MTMR9: variants seen among roughly 807,000 people sequenced by gnomAD.
The protein encoded by MTMR9 is myotubularin-related protein 9.
In MTMR9, 39 loss-of-function variants were observed where a neutral mutation model predicts 69.5. That is an observed-to-expected ratio of 0.56 (90% CI 0.43 to 0.73). The LOEUF is 0.73. MTMR9 is among the 30% of genes least tolerant of loss of function. The pLI is 0.00. For missense variants in MTMR9, 900 were observed against 671.2 expected, an observed-to-expected ratio of 1.34 and a Z score of -3.77; for synonymous variants, 354 against 240.8, an observed-to-expected ratio of 1.47 and a Z score of -4.35.
In MTMR9 at chr8:11,284,960, T is replaced by A; in HGVS notation, c.72T>A (p.Ala24=). ...NVVLHRPFYP[A]VEGTLCLTGH... ...TGCTGCACCGGCCTTTCTACCCGGCTGTCGAGGGCACCCTGTGCCTGACGG... is the reference window on the plus strand; with the variant it reads ...TGCTGCACCGGCCTTTCTACCCGGCAGTCGAGGGCACCCTGTGCCTGACGG... Residue 24 remains alanine, a synonymous_variant, in exon 1 of 10, where the codon GCT becomes GCA. Coordinates refer to ENST00000221086, the MANE Select transcript of MTMR9 (RefSeq NM_015458.4). 6.2e-7 allele frequency: 1 copy of A among 1,613,982 alleles called. No individual in the cohort carries two copies. The highest frequency in any genetic ancestry group is 1.1e-5 in the South Asian group (1 of 91,024).
chr8:11,298,263 C>G (rs1799625623), intron 2 of MTMR9, among the ~76,000 whole-genome samples: 1 of 152,102 alleles, frequency 6.6e-6, no homozygotes, highest in African/African-American at 2.4e-5. Context: ...TGCTGACTTG[C>G]ATTTAAAATA....
chr8:11,312,457 C>G (rs949655575), intron 6 of MTMR9, among the ~76,000 whole-genome samples: 16 of 152,198 alleles, frequency 1.1e-4, no homozygotes, highest in African/African-American at 3.9e-4. Context: ...AGCAATCCTC[C>G]TGCCTTGGGC....
intron 5 of MTMR9, among the ~76,000 whole-genome samples, chr8:11,308,072 T>C (rs527780425): frequency 6.6e-6 from 1 of 152,356 alleles, no homozygotes; most frequent in Non-Finnish European, 1.5e-5. Flanking sequence ...ATTTTTGCTT[T>C]TGTTGCCTCT....
At chr8:11,332,127 A>G (rs770540998), downstream of MTMR9, 29 of 1,611,898 alleles carry the variant, frequency 1.8e-5, no homozygotes, top group South Asian at 3.0e-4. Context: ...GGAGTGAGAT[A>G]GAACTTGGGA....
rs754401793 is a variant in MTMR9, at chr8:11,316,637, C to G, written c.1114-36C>G. On this transcript the variant is annotated intron_variant, in intron 7 of 9. Transcript: ENST00000221086. ...AGAATGCTCTGTCATGTGATCTCAC[C>G]AGGATATGACTGTCACGCCTCCATC... 3 of 1,436,160 alleles carry G rather than the reference C, an allele frequency of 2.1e-6. No homozygotes were observed. The South Asian group carries it at 4.1e-5, about 19-fold the overall frequency. The allele number at this position is 1,436,160 out of a possible 1,614,324, so 89.0% of individuals were successfully genotyped here.
At chr8:11,331,838 C>G, downstream of MTMR9, 1 of 1,611,922 alleles carries the variant, frequency 6.2e-7, no homozygotes, top group African/African-American at 1.3e-5. Context: ...TGCAGACCCC[C>G]GTGTTGCCCA....
chr8:11,310,937 G>A (rs1264036721), intron 6 of MTMR9, among the ~76,000 whole-genome samples: 1 of 152,166 alleles, frequency 6.6e-6, no homozygotes, highest in African/African-American at 2.4e-5. Flanking sequence ...CAAAGGCAGA[G>A]ACTTCCAGAC....
At chr8:11,302,750 G>C (rs1229898855) in intron 3 of MTMR9, among the ~76,000 whole-genome samples, 3 of 151,986 alleles carry the variant, frequency 2.0e-5, no homozygotes, top group Non-Finnish European at 4.4e-5. Flanking sequence ...TTGAAATGAA[G>C]GTAGCAAAAT....
chr8:11,297,829 G>A (rs1486326368), intron 2 of MTMR9: 4 of 455,354 alleles, frequency 8.8e-6, no homozygotes, highest in Non-Finnish European at 1.3e-5. Context: ...GAAAATGAAT[G>A]CTCTGTTAAA....
chr8:11,286,037 C>T (rs1376223187), intron 1 of MTMR9, among the ~76,000 whole-genome samples: 2 of 148,138 alleles, frequency 1.4e-5, no homozygotes, highest in East Asian at 2.0e-4. Flanking sequence ...ACTGTAACCT[C>T]CACCTCCCAG....
At chr8:11,330,142 G>A (rs13248147), downstream of MTMR9, among the ~76,000 whole-genome samples, 58,992 of 149,320 alleles carry the variant, frequency 0.4, 12,828 homozygotes, top group East Asian at 0.72. Flanking sequence ...GCCCCGTCCG[G>A]GAGGGAGGTC....
intron 3 of MTMR9, 69 bp from the exon 4 acceptor site, chr8:11,304,772 T>TA: frequency 2.0e-6 from 3 of 1,524,226 alleles, no homozygotes; most frequent in Non-Finnish European, 1.8e-6. Context: ...TAAGGTCTTT[T>TA]AAAATTTCTC....
chr8:11,286,354 C>G (rs996924090), intron 1 of MTMR9, among the ~76,000 whole-genome samples: 1 of 151,848 alleles, frequency 6.6e-6, no homozygotes, highest in African/African-American at 2.4e-5. Context: ...TCTCCTCAAG[C>G]CACCTTTTGC....
chr8:11,297,095 A>G (rs1192368998), intron 2 of MTMR9, among the ~76,000 whole-genome samples: 1 of 152,220 alleles, frequency 6.6e-6, no homozygotes, highest in Non-Finnish European at 1.5e-5. Context: ...AGACTACTAT[A>G]GGAACGTTGA....
Position 11,284,817 on chromosome 8 carries a change from C to A in MTMR9, c.-72C>A. 1 of 1,419,756 alleles carries A rather than the reference C, an allele frequency of 7.0e-7. No homozygotes were observed. Among genetic ancestry groups the A allele is most frequent in the Non-Finnish European group, 9.5e-7 (1 of 1,054,330 alleles). 87.9% of individuals were successfully genotyped at this position (1,419,756 alleles called of 1,614,324 possible). On this transcript the variant is annotated 5_prime_UTR_variant, in exon 1 of 10. Coordinates refer to ENST00000221086, the MANE Select transcript of MTMR9 (RefSeq NM_015458.4). ...GCCAGCCCCGCGCCGGGTGTTTCCGCTACTTCCCTGCGGCGGGGTAACCGC... is the reference window on the plus strand; with the variant it reads ...GCCAGCCCCGCGCCGGGTGTTTCCGATACTTCCCTGCGGCGGGGTAACCGC...
intron 3 of MTMR9, 72 bp downstream of exon 3, chr8:11,300,220 ACTT>A (rs1187707332): frequency 6.5e-7 from 1 of 1,537,994 alleles, no homozygotes; most frequent in African/African-American, 1.4e-5. Context: ...GAAAATGATC[ACTT>A]CTTTTGAAGA....
In MTMR9 at chr8:11,285,013, AGGAC is replaced by A; in HGVS notation, c.126_129del (p.Asp43IlefsTer20). 6.2e-7 allele frequency: 1 copy of A among 1,613,336 alleles called. No individual in the cohort carries two copies. Among genetic ancestry groups the A allele is most frequent in the Non-Finnish European group, 8.5e-7 (1 of 1,179,750 alleles). On this transcript the variant is annotated frameshift_variant, in exon 1 of 10. Transcript: ENST00000221086. LOFTEE classifies it high-confidence loss of function. ...CACCACTTGATCCTGTCCTCCCGGC[AGGAC>A]AATACGGAGGAGCTGTGGCTCCTCC...
intron 6 of MTMR9, among the ~76,000 whole-genome samples, chr8:11,314,414 T>C (rs1800327154): frequency 6.6e-6 from 1 of 152,166 alleles, no homozygotes; most frequent in Admixed American, 6.5e-5. Context: ...TTTCTCAAAG[T>C]GTGGTCTAGG....
At chr8:11,305,469 G>C (rs1799905028) in intron 4 of MTMR9, among the ~76,000 whole-genome samples, 1 of 152,200 alleles carries the variant, frequency 6.6e-6, no homozygotes. Flanking sequence ...AGTAAACACT[G>C]GAGTCAGGAT....
Sources: gnomAD v4.1 joint callset for allele counts (sites outside exome capture counted in the v4.1 genomes callset) on GRCh38, gnomAD v4.1.1 for gene constraint, MANE v1.5 for transcripts, NCBI Gene and HGNC (gene_info 2026-07-23, HGNC 2026-07-21) for gene names.